Variants in EXOC2 observed in about 807,000 individuals in gnomAD.
The protein encoded by EXOC2 is SEC5-like 1.
A neutral mutation model predicts 131.8 loss-of-function variants in EXOC2; 70 were observed. The observed-to-expected ratio is 0.53, with a 90% CI of 0.44 to 0.65. EXOC2 has a LOEUF of 0.65. EXOC2 is among the 30% of genes least tolerant of loss of function. The pLI is 0.00. For missense variants in EXOC2, 923 were observed against 1,108.6 expected, an observed-to-expected ratio of 0.83 and a Z score of 2.38; for synonymous variants, 411 against 398.4, an observed-to-expected ratio of 1.03 and a Z score of -0.38.
intron 7 of EXOC2, among the ~76,000 whole-genome samples, chr6:600,620 T>C (rs929695656): frequency 6.6e-6 from 1 of 151,982 alleles, no homozygotes; most frequent in South Asian, 2.1e-4. Flanking sequence ...GCAAAAAGTA[T>C]GAATTCAAAA....
chr6:639,349 T>A (rs1367747170), intron 1 of EXOC2, among the ~76,000 whole-genome samples: 7 of 74,060 alleles, frequency 9.5e-5, no homozygotes, highest in African/African-American at 5.4e-5. Context: ...CCTCCTGCCC[T>A]TGCCACTGTG....
intron 21 of EXOC2, among the ~76,000 whole-genome samples, chr6:550,121 G>C (rs1355806953): frequency 6.6e-6 from 1 of 152,250 alleles, no homozygotes; most frequent in Non-Finnish European, 1.5e-5. Context: ...CCCGCAGGCA[G>C]GCGGGCCTTC....
chr6:613,005 G>A (rs3757125), intron 6 of EXOC2, among the ~76,000 whole-genome samples: 98,950 of 151,888 alleles, frequency 0.65, 34,163 homozygotes, highest in East Asian at 0.77. Context: ...GCACCAAGGA[G>A]CTCAGGAAGG....
chr6:543,756 C>T (rs1756684322), intron 22 of EXOC2, among the ~76,000 whole-genome samples: 1 of 152,154 alleles, frequency 6.6e-6, no homozygotes, highest in South Asian at 2.1e-4. Flanking sequence ...CAGTGATCCA[C>T]AGTGGCTACT....
At chr6:609,119 A>G (rs1484735955) in intron 7 of EXOC2, among the ~76,000 whole-genome samples, 1 of 152,232 alleles carries the variant, frequency 6.6e-6, no homozygotes, top group Non-Finnish European at 1.5e-5. Flanking sequence ...CCAAGAGAAC[A>G]CTTCTTTCTA....
At position 523,487 on chromosome 6, in the gene EXOC2, G is replaced by A. The variant is rs550385730; in HGVS notation, c.2380+8982C>T. Among the ~76,000 whole-genome samples, 8 of 152,372 alleles carry A rather than the reference G, an allele frequency of 5.3e-5. No homozygotes were observed. The East Asian group carries it at 1.3e-3, about 26-fold the overall frequency. Reference sequence around the variant, plus strand: ...TTTGTTGACTTTATGAATGAAAAATGTACTTTCTATCTGTACATGAAGTAT... The same window carrying A: ...TTTGTTGACTTTATGAATGAAAAATATACTTTCTATCTGTACATGAAGTAT... On this transcript the variant is annotated intron_variant, in intron 23 of 27. Coordinates refer to ENST00000230449, the MANE Select transcript of EXOC2 (RefSeq NM_018303.6).
chr6:615,361 C>T (rs889969712), intron 6 of EXOC2, among the ~76,000 whole-genome samples: 6 of 152,106 alleles, frequency 3.9e-5, no homozygotes, highest in Non-Finnish European at 7.4e-5. Flanking sequence ...AAGCACAGCA[C>T]TATCCATGCC....
At chr6:523,266 G>C (rs1191666198) in intron 23 of EXOC2, among the ~76,000 whole-genome samples, 1 of 152,228 alleles carries the variant, frequency 6.6e-6, no homozygotes. Context: ...CTTGAGATCA[G>C]TACCCTGGCT....
chr6:692,340 C>T (rs575827462), intron 1 of EXOC2, among the ~76,000 whole-genome samples: 6 of 152,330 alleles, frequency 3.9e-5, no homozygotes, highest in Non-Finnish European at 7.3e-5. Context: ...TCTTAACAAT[C>T]TTGGGATACA....
At chr6:500,097 G>T (rs968452367) in intron 23 of EXOC2, among the ~76,000 whole-genome samples, 1 of 151,676 alleles carries the variant, frequency 6.6e-6, no homozygotes, top group Non-Finnish European at 1.5e-5. Context: ...CATATATACT[G>T]TAAAACACAC....
intron 22 of EXOC2, among the ~76,000 whole-genome samples, chr6:546,950 A>G (rs983115395): frequency 6.6e-6 from 1 of 152,170 alleles, no homozygotes; most frequent in Admixed American, 6.5e-5. Flanking sequence ...GACCAGTTTT[A>G]TTCTTTAAGA....
chr6:620,905 T>G (rs184828417), intron 4 of EXOC2, among the ~76,000 whole-genome samples: 1 of 152,338 alleles, frequency 6.6e-6, no homozygotes, highest in Admixed American at 6.5e-5. Flanking sequence ...GTCTGTGCTC[T>G]CTGCCTGCCA....
intron 27 of EXOC2, among the ~76,000 whole-genome samples, chr6:488,465 T>A (rs905517051): frequency 2.0e-5 from 3 of 152,228 alleles, no homozygotes; most frequent in Non-Finnish European, 4.4e-5. Context: ...ATCATCAGTG[T>A]GGTCTAATGA....
intron 1 of EXOC2, among the ~76,000 whole-genome samples, chr6:638,429 T>C (rs1011574037): frequency 2.0e-5 from 3 of 152,206 alleles, no homozygotes; most frequent in Admixed American, 1.3e-4. Context: ...GTTGTGAGTA[T>C]AACAGAGGAG....
intron 2 of EXOC2, among the ~76,000 whole-genome samples, chr6:637,051 G>A (rs1762134530): frequency 6.6e-6 from 1 of 152,142 alleles, no homozygotes. Flanking sequence ...GAAGGAGGAA[G>A]GCTACCATGC....
intron 6 of EXOC2, among the ~76,000 whole-genome samples, chr6:616,565 A>T (rs767963906): frequency 9.6e-4 from 124 of 128,528 alleles, no homozygotes; most frequent in Non-Finnish European, 1.2e-3. Flanking sequence ...ATCGCGCCAC[A>T]GCACTCCCGC....
At chr6:614,683 C>T (rs542837690) in intron 6 of EXOC2, among the ~76,000 whole-genome samples, 5 of 151,870 alleles carry the variant, frequency 3.3e-5, no homozygotes, top group East Asian at 1.9e-4. Flanking sequence ...GAAGAAAAGC[C>T]GACAGAATCC....
intron 7 of EXOC2, among the ~76,000 whole-genome samples, chr6:600,785 T>A (rs1760088980): frequency 6.6e-6 from 1 of 152,158 alleles, no homozygotes; most frequent in Admixed American, 6.5e-5. Flanking sequence ...TTATAAACTA[T>A]AAAATTATGT....
chr6:599,552 T>G (rs1760011533), intron 7 of EXOC2, among the ~76,000 whole-genome samples: 1 of 152,140 alleles, frequency 6.6e-6, no homozygotes, highest in African/African-American at 2.4e-5. Context: ...ATTTCAGAAC[T>G]TCATACAATA....
Sources: gnomAD v4.1 joint callset for allele counts (sites outside exome capture counted in the v4.1 genomes callset) on GRCh38, gnomAD v4.1.1 for gene constraint, MANE v1.5 for transcripts, NCBI Gene and HGNC (gene_info 2026-07-23, HGNC 2026-07-21) for gene names.